The following PCDHA2 variants were observed in gnomAD, a reference collection of about 807,000 sequenced individuals.
PCDHA2 encodes protocadherin alpha-2.
PCDHA2 carries 58 observed loss-of-function variants against 66.0 expected under a neutral mutation model. The ratio of observed to expected loss-of-function variants is 0.88; its 90% CI spans 0.71 to 1.09. The LOEUF (loss-of-function observed/expected upper bound fraction) is 1.09. Ranked by LOEUF, PCDHA2 falls within the 50% of genes least tolerant of loss-of-function variation. The probability of loss-of-function intolerance (pLI) is 0.00; values close to 1 mark genes in which losing one functional copy is unlikely to be tolerated. For synonymous variants in PCDHA2, 634 were observed against 554.0 expected (o/e 1.14, Z -2.03); for missense variants, 1,267 against 1,242.3 (o/e 1.02, Z -0.30).
chr5:140,856,423 T>G (rs1266159746), intron 1 of PCDHA2: 1 of 1,598,178 alleles, frequency 6.3e-7, no homozygotes, highest in East Asian at 2.2e-5. Context: ...TGAAGGACAT[T>G]AACGACAACC....
intron 1 of PCDHA2, chr5:140,834,304 A>G (rs2150215159): frequency 5.3e-6 from 7 of 1,322,818 alleles, no homozygotes; most frequent in South Asian, 1.4e-5. Context: ...ACACATCGAG[A>G]TTGAAATGAA....
intron 1 of PCDHA2, among the ~76,000 whole-genome samples, chr5:140,958,679 A>G (rs1317780380): frequency 6.6e-6 from 1 of 152,200 alleles, no homozygotes; most frequent in Non-Finnish European, 1.5e-5. Context: ...ATTATAAAGG[A>G]TATTGAATAT....
chr5:140,964,847 C>T (rs2095858231), intron 1 of PCDHA2, among the ~76,000 whole-genome samples: 1 of 152,124 alleles, frequency 6.6e-6, no homozygotes, highest in African/African-American at 2.4e-5. Flanking sequence ...ACTCTGTACC[C>T]TTGAGGAAAC....
chr5:140,992,757 G>A (rs1345373474), intron 3 of PCDHA2, among the ~76,000 whole-genome samples: 2 of 152,110 alleles, frequency 1.3e-5, no homozygotes, highest in Non-Finnish European at 2.9e-5. Context: ...CCTGTGTTGG[G>A]GATAGGAGGG....
chr5:140,883,782 C>T (rs1434451644), intron 1 of PCDHA2: 1 of 1,612,468 alleles, frequency 6.2e-7, no homozygotes, highest in African/African-American at 1.3e-5. Flanking sequence ...CGTGCGCTGT[C>T]GAGCTACGTG....
intron 1 of PCDHA2, chr5:140,875,484 C>A: frequency 6.2e-7 from 1 of 1,611,246 alleles, no homozygotes. Context: ...TGGTGATTAT[C>A]GGACCAAGAG....
At chr5:140,832,832 C>G (rs2150204585) in intron 1 of PCDHA2, among the ~76,000 whole-genome samples, 3 of 152,178 alleles carry the variant, frequency 2.0e-5, no homozygotes, top group Admixed American at 1.3e-4. Flanking sequence ...GCCTTTTTCC[C>G]TTGTTGAAGG....
chr5:140,877,908 T>G (rs1554170220), intron 1 of PCDHA2: 2 of 1,433,428 alleles, frequency 1.4e-6, no homozygotes, highest in East Asian at 2.5e-5. Context: ...ATAACTACAT[T>G]CTCTCATTTT....
intron 2 of PCDHA2, among the ~76,000 whole-genome samples, chr5:140,979,586 C>T (rs1554240859): frequency 6.6e-6 from 1 of 152,188 alleles, no homozygotes; most frequent in Admixed American, 6.5e-5. Context: ...CCAAATCTAG[C>T]TTACTTTAAA....
At chr5:140,985,067 A>C (rs2153836144) in intron 3 of PCDHA2, among the ~76,000 whole-genome samples, 1 of 152,116 alleles carries the variant, frequency 6.6e-6, no homozygotes, top group East Asian at 1.9e-4. Flanking sequence ...CCTCCTGAGT[A>C]GCTGAGACTA....
chr5:140,906,665 AC>A (rs558667206), intron 1 of PCDHA2, among the ~76,000 whole-genome samples: 132 of 152,200 alleles, frequency 8.7e-4, no homozygotes, highest in African/African-American at 3.2e-3. Context: ...TGGTGTAGTG[AC>A]CCAAACCTTC....
chr5:140,948,895 A>G (rs1192387448), intron 1 of PCDHA2, among the ~76,000 whole-genome samples: 1 of 151,548 alleles, frequency 6.6e-6, no homozygotes, highest in Non-Finnish European at 1.5e-5. Flanking sequence ...TTAGATTTTA[A>G]GTGGATTCTT....
In PCDHA2 at chr5:140,884,413, G is replaced by C. The variant is rs376737487; in HGVS notation, c.2388+87061G>C. 13 of 1,613,896 alleles carry C rather than the reference G, an allele frequency of 8.1e-6. No homozygotes were observed. The East Asian group carries it at 2.5e-4, about 30-fold the overall frequency. On this transcript the variant is annotated intron_variant, in intron 1 of 3. Transcript: ENST00000526136. Reference sequence around the variant, plus strand: ...TGTCCAGCCTGTTGGTGCTCACGTTGCTGCTGTATACTGCGCTGCGGTGCT... The same window carrying C: ...TGTCCAGCCTGTTGGTGCTCACGTTCCTGCTGTATACTGCGCTGCGGTGCT...
chr5:140,823,749 G>GACAGCC (rs2150128847), intron 1 of PCDHA2: 2 of 1,613,866 alleles, frequency 1.2e-6, no homozygotes, highest in East Asian at 2.2e-5. Flanking sequence ...AGCCCCCGCT[G>GACAGCC]ACAGCCACAG....
chr5:141,005,263 A>T (rs1223276392), intron 3 of PCDHA2, among the ~76,000 whole-genome samples: 2 of 152,198 alleles, frequency 1.3e-5, no homozygotes, highest in Admixed American at 1.3e-4. Context: ...GGCACTGGTG[A>T]TACATTGGTG....
At chr5:140,799,625 T>C (rs140521241) in intron 1 of PCDHA2, among the ~76,000 whole-genome samples, 1 of 152,222 alleles carries the variant, frequency 6.6e-6, no homozygotes, top group East Asian at 1.9e-4. Flanking sequence ...CTTGAAAAAG[T>C]TAATTCAAAA....
Position 140,882,079 on chromosome 5 carries a change from G to A in PCDHA2, c.2388+84727G>A. ...CTTACACGTTCATGCGCATGGTGTC[G>A]CTCTTCACTGAGAACGTTTCCGCGA... On this transcript the variant is annotated intron_variant, in intron 1 of 3. Transcript: ENST00000526136. The A allele has an allele frequency of 3.1e-6, 3 of 952,852 alleles. No homozygotes were observed. In the East Asian group the frequency reaches 7.8e-5, roughly 25 times the overall value. 59.0% of individuals were successfully genotyped at this position (952,852 alleles called of 1,614,324 possible). A position where few individuals can be genotyped will look rare whatever the true frequency, so the allele number is the denominator to read the frequency against.
rs555714516 is a variant in PCDHA2, at chr5:140,983,025, A to T, written c.2536+462A>T. Among the ~76,000 whole-genome samples the T allele has an allele frequency of 9.9e-5, 15 of 151,964 alleles. 1 individual carries two copies. The South Asian group carries it at 2.9e-3, about 29-fold the overall frequency. ...AAGAAAAAGGAAGGAAGGAAGGAAG[A>T]TGGTTTCTCATGGAAGTGGAAAATT... On this transcript the variant is annotated intron_variant, in intron 3 of 3. Coordinates refer to ENST00000526136, the MANE Select transcript of PCDHA2 (RefSeq NM_018905.3).
Position 140,928,898 on chromosome 5 carries a change from A to T in PCDHA2, c.2389-50051A>T, listed in dbSNP as rs782530169. ...CCTCAGTTACTTCCAGACTTTGAAGATGTCTGGGAACCAGGAGGGCAGCTT... is the reference window on the plus strand; with the variant it reads ...CCTCAGTTACTTCCAGACTTTGAAGTTGTCTGGGAACCAGGAGGGCAGCTT... On this transcript the variant is annotated intron_variant, in intron 1 of 3. Coordinates refer to ENST00000526136, the MANE Select transcript of PCDHA2 (RefSeq NM_018905.3). 77 of 1,614,004 alleles carry T rather than the reference A, an allele frequency of 4.8e-5. No individual in the cohort carries two copies. The African/African-American group carries it at 7.2e-4, about 15-fold the overall frequency.
Sources: allele counts gnomAD v4.1 joint callset (sites outside exome capture counted in the v4.1 genomes callset), GRCh38; gene constraint gnomAD v4.1.1; transcripts MANE v1.5; gene names NCBI Gene and HGNC (gene_info 2026-07-23, HGNC 2026-07-21).